SLC23A2: variants seen among roughly 807,000 people sequenced by gnomAD.
SLC23A2 encodes solute carrier family 23 member 2, also known as Na(+)/L-ascorbic acid transporter 2.
A neutral mutation model predicts 73.3 loss-of-function variants in SLC23A2; 36 were observed. That is an observed-to-expected ratio of 0.49 (90% CI 0.38 to 0.65). SLC23A2 has a LOEUF of 0.65. Among genes scored for constraint, SLC23A2 ranks in the 30% least tolerant of loss-of-function variants. SLC23A2 has a pLI of 0.00. For missense variants in SLC23A2, 507 were observed against 841.6 expected (o/e 0.60, Z 4.92); for synonymous variants, 343 against 327.3 (o/e 1.05, Z -0.52).
At position 4,899,739 on chromosome 20, in the gene SLC23A2, G is replaced by A. The variant is rs1931677657; in HGVS notation, c.325-27C>T. The A allele has an allele frequency of 1.2e-6, 2 of 1,610,254 alleles. No individual in the cohort carries two copies. Among genetic ancestry groups the A allele is most frequent in the East Asian group, 4.5e-5 (2 of 44,838 alleles). ...TGTGGGCAGGAAAAGGGTCAGAGGA[G>A]AAACAGTAAACCCTTCCTCATTTAT... On this transcript the variant is annotated intron_variant, in intron 5 of 16. Coordinates refer to ENST00000338244, the MANE Select transcript of SLC23A2 (RefSeq NM_005116.6). The surrounding 1 kb of genome is among the most constrained non-coding windows in gnomAD (Gnocchi z 4.9).
At position 4,861,503 on chromosome 20, in the gene SLC23A2, AAGG is replaced by A. The variant is rs534364732; in HGVS notation, c.1624+442_1624+444del. The stretch of plus-strand genomic sequence containing the variant: ...TCAGGACATTGCAGTGTTAAAACAA[AAGG>A]AGGAGTTAAAAAGGTTAATCTTGAA... On this transcript the variant is annotated intron_variant, in intron 15 of 16. Coordinates refer to ENST00000338244, the MANE Select transcript of SLC23A2 (RefSeq NM_005116.6). Among the ~76,000 whole-genome samples, 3 of 152,240 alleles carry A rather than the reference AAGG, an allele frequency of 2.0e-5. No individual in the cohort carries two copies. The South Asian group carries it at 6.2e-4, about 32-fold the overall frequency.
intron 2 of SLC23A2, among the ~76,000 whole-genome samples, chr20:4,944,686 A>G (rs1358707611): frequency 6.6e-6 from 1 of 152,222 alleles, no homozygotes; most frequent in Non-Finnish European, 1.5e-5. Flanking sequence ...TATGACTAAG[A>G]AGGAGTGCCC....
rs1168067309 is a variant in SLC23A2, at chr20:4,947,468, T to C, written c.-154-14752A>G. On this transcript the variant is annotated intron_variant, in intron 2 of 16. Transcript: ENST00000338244. The surrounding 1 kb of genome is among the most constrained non-coding windows in gnomAD (Gnocchi z 4.4). ...TTTTATTTCAACACTATTTAAAATG[T>C]ATTAATCATCAGTCATCACAGGAGC... Among the ~76,000 whole-genome samples the C allele has an allele frequency of 1.3e-5, 2 of 152,240 alleles. No homozygotes were observed. The highest frequency in any genetic ancestry group is 2.1e-4 in the South Asian group (1 of 4,830).
At chr20:4,994,456 T>TA (rs1208890708) in intron 1 of SLC23A2, among the ~76,000 whole-genome samples, 1 of 152,078 alleles carries the variant, frequency 6.6e-6, no homozygotes, top group Non-Finnish European at 1.5e-5. Context: ...CAAACCGAAT[T>TA]TGAGGCTGAA....
chr20:4,884,670 T>A, intron 8 of SLC23A2, 83 bp downstream of exon 8: 1 of 865,526 alleles, frequency 1.2e-6, no homozygotes, highest in Non-Finnish European at 2.0e-6. Context: ...TCAGTAAAAG[T>A]AACTGCTATT....
intron 15 of SLC23A2, 112 bp downstream of exon 15, chr20:4,861,836 T>C: frequency 9.3e-7 from 1 of 1,071,972 alleles, no homozygotes; most frequent in Non-Finnish European, 1.4e-6. Flanking sequence ...CAGACGCATC[T>C]GCACCACAGC....
intron 16 of SLC23A2, among the ~76,000 whole-genome samples, chr20:4,859,059 C>A (rs1224535872): frequency 6.6e-6 from 1 of 152,160 alleles, no homozygotes; most frequent in Admixed American, 6.5e-5. Context: ...GCTGCTGTCT[C>A]CCAAAAGTCC....
intron 15 of SLC23A2, 53 bp downstream of exon 15, chr20:4,861,895 C>G (rs1929979740): frequency 6.3e-6 from 10 of 1,596,716 alleles, no homozygotes; most frequent in Admixed American, 1.7e-5. Flanking sequence ...TGCGTGTGGA[C>G]TGGCGGCTGT....
Position 4,868,982 on chromosome 20 carries a change from G to T in SLC23A2, c.1250+924C>A, listed in dbSNP as rs1930315095. The T allele has an allele frequency of 6.6e-6, 1 of 152,222 alleles. No homozygotes were observed. The highest frequency in any genetic ancestry group is 1.5e-5 in the Non-Finnish European group (1 of 68,060). The allele number at this position is 152,222 out of a possible 1,614,324, so 9.4% of individuals were successfully genotyped here. ...GCTTACCCTTGGGGACAATTGGAAC[G>T]TATCTAATTGACAGACCTGGGGCAT... On this transcript the variant is annotated intron_variant, in intron 12 of 16. Coordinates refer to ENST00000338244, the MANE Select transcript of SLC23A2 (RefSeq NM_005116.6). This position sits in a 1 kb window ranked among gnomAD's most constrained non-coding sequence, Gnocchi z 4.4.
intron 11 of SLC23A2, 37 bp downstream of exon 11, chr20:4,873,899 G>T (rs754759159): frequency 1.3e-6 from 2 of 1,583,754 alleles, no homozygotes; most frequent in Non-Finnish European, 1.7e-6. Context: ...TTGGGCCCTC[G>T]TGGGCTCTTG....
chr20:4,965,635 A>G (rs2087463330), intron 2 of SLC23A2, among the ~76,000 whole-genome samples: 2 of 152,114 alleles, frequency 1.3e-5, no homozygotes, highest in South Asian at 2.1e-4. Context: ...ATGGTGGTGC[A>G]TGCTTGTAGT....
At chr20:4,930,470 T>A (rs562009535) in intron 3 of SLC23A2, among the ~76,000 whole-genome samples, 5 of 152,154 alleles carry the variant, frequency 3.3e-5, no homozygotes, top group Non-Finnish European at 5.9e-5. Flanking sequence ...TAATACAATT[T>A]AAAAAAATAA....
chr20:4,917,730 C>A (rs568207050), intron 3 of SLC23A2, among the ~76,000 whole-genome samples: 22 of 152,252 alleles, frequency 1.4e-4, no homozygotes, highest in African/African-American at 5.3e-4. Context: ...CTCCTGTTGC[C>A]CAGCTGAGAT....
intron 12 of SLC23A2, 83 bp downstream of exon 12, chr20:4,869,821 GTT>G (rs1379275534): frequency 3.9e-6 from 5 of 1,293,238 alleles, no homozygotes; most frequent in Non-Finnish European, 5.4e-6. Context: ...GAAACTCTTG[GTT>G]TTGTCTTCAA....
intron 1 of SLC23A2, among the ~76,000 whole-genome samples, chr20:5,007,690 T>C (rs1342306388): frequency 6.6e-6 from 1 of 152,144 alleles, no homozygotes; most frequent in Non-Finnish European, 1.5e-5. Context: ...ATTTCTCCTC[T>C]TCCCCCAGCC....
chr20:4,905,844 A>G (rs4815754), intron 4 of SLC23A2, among the ~76,000 whole-genome samples: 124,330 of 152,182 alleles, frequency 0.82, 50,975 homozygotes, highest in Non-Finnish European at 0.83. Flanking sequence ...ATAGGTAAAC[A>G]AAGAAATGTG....
intron 3 of SLC23A2, among the ~76,000 whole-genome samples, chr20:4,925,246 G>T (rs778775451): frequency 1.9e-4 from 29 of 151,496 alleles, no homozygotes; most frequent in Non-Finnish European, 4.3e-4. Flanking sequence ...CTGTTCTCTA[G>T]AGCCCAGACC....
In SLC23A2 at chr20:4,863,494, G is replaced by A. The variant is rs1930070211; in HGVS notation, c.1357-587C>T. ...ATCTCAGTCACACACAAGCCTCGTG[G>A]TTTTGTTTTGAGGATTAAACGGGAC... On this transcript the variant is annotated intron_variant, in intron 13 of 16. Transcript: ENST00000338244. This position sits in a 1 kb window ranked among gnomAD's most constrained non-coding sequence, Gnocchi z 4.8. 6.6e-6 allele frequency among the ~76,000 whole-genome samples: 1 copy of A among 152,188 alleles called. No individual in the cohort carries two copies. Among genetic ancestry groups the A allele is most frequent in the Non-Finnish European group, 1.5e-5 (1 of 68,042 alleles).
In SLC23A2 at chr20:4,862,898, G is replaced by A. The variant is rs375613788; in HGVS notation, c.1366C>T (p.Arg456Cys). ...GCTGCTCCGCACTGTATCACGCGGC[G>A]GCTGCCGACCTGCAGAACACACAGG... ...GVLGITKVGS[R>C]RVIQCGAALM... Residue 456 changes from arginine to cysteine, a missense_variant, in exon 14 of 17, where the codon CGC (arginine) becomes TGC (cysteine). Coordinates refer to ENST00000338244, the MANE Select transcript of SLC23A2 (RefSeq NM_005116.6). This position sits in a 1 kb window ranked among gnomAD's most constrained non-coding sequence, Gnocchi z 5.1. 3.1e-6 allele frequency: 5 copies of A among 1,610,738 alleles called. No individual in the cohort carries two copies. The highest frequency in any genetic ancestry group is 2.2e-5 in the East Asian group (1 of 44,806).
Sources: allele counts gnomAD v4.1 joint callset (sites outside exome capture counted in the v4.1 genomes callset), GRCh38; gene constraint gnomAD v4.1.1; non-coding constraint Gnocchi (gnomAD v3.1); transcripts MANE v1.5; gene names NCBI Gene and HGNC (gene_info 2026-07-23, HGNC 2026-07-21).